The following ATG13 variants were observed in gnomAD, a reference collection of about 807,000 sequenced individuals.
ATG13 encodes the protein autophagy related 13, also known as autophagy-related protein 13.
ATG13 carries 23 observed loss-of-function variants against 65.5 expected under a neutral mutation model. The ratio of observed to expected loss-of-function variants is 0.35; its 90% CI spans 0.25 to 0.50. ATG13 has a LOEUF of 0.50. Among genes scored for constraint, ATG13 ranks in the 20% least tolerant of loss-of-function variants. The probability of loss-of-function intolerance (pLI) is 0.98; values close to 1 mark genes in which losing one functional copy is unlikely to be tolerated. For synonymous variants in ATG13, 252 were observed against 245.2 expected, an observed-to-expected ratio of 1.03 and a Z score of -0.26; for missense variants, 566 against 677.0, an observed-to-expected ratio of 0.84 and a Z score of 1.82.
intron 11 of ATG13, among the ~76,000 whole-genome samples, chr11:46,663,148 C>G (rs146612053): frequency 6.6e-6 from 1 of 151,448 alleles, no homozygotes; most frequent in Non-Finnish European, 1.5e-5. Context: ...CACCTGTAGT[C>G]TCAGCCACTT....
intron 2 of ATG13, chr11:46,632,570 C>T (rs527381477): frequency 3.3e-5 from 5 of 152,218 alleles, no homozygotes; most frequent in Admixed American, 6.6e-5. Flanking sequence ...AAGGAGTCTC[C>T]ACCCTTAATG....
At chr11:46,645,800 G>A in intron 4 of ATG13, 70 bp from the exon 5 acceptor site, 1 of 1,592,564 alleles carries the variant, frequency 6.3e-7, no homozygotes, top group Non-Finnish European at 8.6e-7. Context: ...GCATTACCCA[G>A]CATACACTAA....
At chr11:46,637,200 T>C (rs2054275623) in intron 2 of ATG13, among the ~76,000 whole-genome samples, 1 of 152,218 alleles carries the variant, frequency 6.6e-6, no homozygotes, top group Non-Finnish European at 1.5e-5. Context: ...TCCTATTAAA[T>C]TGTATACTTT....
At chr11:46,662,416 C>G (rs1353785074) in intron 11 of ATG13, among the ~76,000 whole-genome samples, 2 of 152,146 alleles carry the variant, frequency 1.3e-5, no homozygotes, top group East Asian at 3.8e-4. Flanking sequence ...GAAAGTTGAA[C>G]CTAAAAGTAA....
At position 46,672,515 on chromosome 11, in the gene ATG13, A is replaced by G; in HGVS notation, c.*183A>G. The G allele has an allele frequency of 1.4e-6, 2 of 1,470,816 alleles. No homozygotes were observed. The highest frequency in any genetic ancestry group is 2.7e-5 in the South Asian group (2 of 74,782). 91.1% of individuals were successfully genotyped at this position (1,470,816 alleles called of 1,614,324 possible). Reference sequence around the variant, plus strand: ...TCCTGGAGACTCCGTGGCGGCAGTCAAGCCCAGTGCCCAGTTGGAGAAGAC... The same window carrying G: ...TCCTGGAGACTCCGTGGCGGCAGTCGAGCCCAGTGCCCAGTTGGAGAAGAC... On this transcript the variant is annotated 3_prime_UTR_variant, in exon 19 of 19. Transcript: ENST00000683050.
At chr11:46,665,805 T>TA (rs2062205612) in intron 14 of ATG13, among the ~76,000 whole-genome samples, 1 of 133,030 alleles carries the variant, frequency 7.5e-6, no homozygotes, top group Admixed American at 7.1e-5. Flanking sequence ...TCCTTTTTTT[T>TA]TTTTTTTTTT....
rs2063956852 is a variant in ATG13 at position 46,672,348 on chromosome 11, C to T, written c.*16C>T. The T allele has an allele frequency of 6.2e-7, 1 of 1,614,166 alleles. No individual in the cohort carries two copies. The highest frequency in any genetic ancestry group is 8.5e-7 in the Non-Finnish European group (1 of 1,179,994). On this transcript the variant is annotated 3_prime_UTR_variant, in exon 19 of 19. Coordinates refer to ENST00000683050, the MANE Select transcript of ATG13 (RefSeq NM_001346311.2). ...CCTGCAGTAAAAGTATCCTTGAGTC[C>T]CAGCAGCACCCCCTTTTTGTGGCCC...
At chr11:46,664,676 A>G (rs1310100425) in intron 12 of ATG13, among the ~76,000 whole-genome samples, 173 bp from the exon 13 acceptor site, 2 of 152,228 alleles carry the variant, frequency 1.3e-5, no homozygotes, top group African/African-American at 2.4e-5. Context: ...TTTCTTCTCT[A>G]ATAACGGCCT....
intron 1 of ATG13, among the ~76,000 whole-genome samples, chr11:46,624,510 A>G (rs1474628697): frequency 6.8e-6 from 1 of 147,568 alleles, no homozygotes; most frequent in Non-Finnish European, 1.5e-5. Flanking sequence ...TTGTTCTTTT[A>G]TAACACTGAC....
At chr11:46,664,363 TTCTG>T (rs1305980410) in intron 12 of ATG13, among the ~76,000 whole-genome samples, 1 of 152,146 alleles carries the variant, frequency 6.6e-6, no homozygotes, top group Non-Finnish European at 1.5e-5. Context: ...ACAACTGGTA[TTCTG>T]TCTTTTTTCA....
At chr11:46,643,645 C>T (rs796276202) in intron 2 of ATG13, among the ~76,000 whole-genome samples, 87 of 143,796 alleles carry the variant, frequency 6.1e-4, no homozygotes, top group African/African-American at 2.2e-3. Context: ...GAGACCGGGT[C>T]TCACCATGTT....
chr11:46,638,330 A>G (rs1399443961), intron 2 of ATG13, among the ~76,000 whole-genome samples: 1 of 152,080 alleles, frequency 6.6e-6, no homozygotes. Flanking sequence ...CCAGCTACTC[A>G]GGGAGGCTGA....
intron 2 of ATG13, among the ~76,000 whole-genome samples, chr11:46,636,454 A>T (rs1052746624): frequency 3.3e-5 from 5 of 150,402 alleles, no homozygotes; most frequent in African/African-American, 1.2e-4. Flanking sequence ...GCTACTCAGG[A>T]GACTGAGGCA....
intron 18 of ATG13, among the ~76,000 whole-genome samples, chr11:46,671,713 G>T (rs994982705): frequency 2.0e-5 from 3 of 152,186 alleles, no homozygotes; most frequent in Non-Finnish European, 2.9e-5. Flanking sequence ...CAGCACTCCA[G>T]CCTGGGTGAC....
chr11:46,643,005 G>A (rs1390633387), intron 2 of ATG13, among the ~76,000 whole-genome samples: 1 of 152,162 alleles, frequency 6.6e-6, no homozygotes, highest in Admixed American at 6.5e-5. Context: ...ACAAAGGGAG[G>A]GTGCAGGTTT....
intron 11 of ATG13, 99 bp from the exon 12 acceptor site, chr11:46,663,898 C>A: frequency 1.2e-6 from 1 of 859,902 alleles, no homozygotes; most frequent in Non-Finnish European, 1.8e-6. Context: ...GCCTCTCTTG[C>A]TACTGCCCCT....
intron 14 of ATG13, 30 bp from the exon 15 acceptor site, chr11:46,667,743 A>G (rs762233221): frequency 4.5e-6 from 7 of 1,543,928 alleles, no homozygotes; most frequent in Non-Finnish European, 4.5e-6. Context: ...TGGTTTGAGA[A>G]CGAGTACTAA....
chr11:46,623,760 T>G (rs1264022884), intron 1 of ATG13, among the ~76,000 whole-genome samples: 1 of 152,126 alleles, frequency 6.6e-6, no homozygotes, highest in African/African-American at 2.4e-5. Flanking sequence ...TAATTTGATT[T>G]TTTTTAATTC....
At chr11:46,665,956 C>T (rs1468573407) in intron 14 of ATG13, among the ~76,000 whole-genome samples, 1 of 151,814 alleles carries the variant, frequency 6.6e-6, no homozygotes, top group Admixed American at 6.6e-5. Context: ...GGGCGCGTGC[C>T]ACCACACCTG....
Sources: gnomAD v4.1 joint callset for allele counts (sites outside exome capture counted in the v4.1 genomes callset) on GRCh38, gnomAD v4.1.1 for gene constraint, MANE v1.5 for transcripts, NCBI Gene and HGNC (gene_info 2026-07-23, HGNC 2026-07-21) for gene names.